SIPA1L3: variants seen among roughly 807,000 people sequenced by gnomAD.
SIPA1L3 encodes the protein signal-induced proliferation-associated 1-like protein 3.
A neutral mutation model predicts 150.1 loss-of-function variants in SIPA1L3; 59 were observed. That is an observed-to-expected ratio of 0.39 (90% CI 0.32 to 0.49). The LOEUF (loss-of-function observed/expected upper bound fraction) is 0.49. Ranked by LOEUF, SIPA1L3 falls within the 20% of genes least tolerant of loss-of-function variation. The pLI is 0.86. For synonymous variants in SIPA1L3, 1,070 were observed against 1,077.6 expected, an observed-to-expected ratio of 0.99 and a Z score of 0.14; for missense variants, 2,211 against 2,489.5, an observed-to-expected ratio of 0.89 and a Z score of 2.38.
intron 6 of SIPA1L3, among the ~76,000 whole-genome samples, chr19:38,104,282 GTTA>G (rs1295289039): frequency 3.9e-5 from 6 of 152,254 alleles, no homozygotes; most frequent in Non-Finnish European, 7.3e-5. Flanking sequence ...GAACGAGCAT[GTTA>G]TTATGCCATT....
chr19:38,048,806 G>A (rs1969118736), intron 2 of SIPA1L3, among the ~76,000 whole-genome samples: 1 of 152,126 alleles, frequency 6.6e-6, no homozygotes, highest in African/African-American at 2.4e-5. Context: ...AAAAAAGGGG[G>A]CAGGCTGGGC....
intron 18 of SIPA1L3, 37 bp from the exon 19 acceptor site, chr19:38,198,352 A>C: frequency 1.4e-6 from 2 of 1,474,856 alleles, no homozygotes; most frequent in Non-Finnish European, 1.8e-6. Context: ...CCGCATTGTC[A>C]CACTCAACCA....
intron 1 of SIPA1L3, among the ~76,000 whole-genome samples, chr19:38,001,184 C>T (rs934582588): frequency 2.0e-5 from 3 of 151,832 alleles, no homozygotes; most frequent in African/African-American, 7.3e-5. Context: ...ATAAAGCTCT[C>T]TGCTTAATGT....
chr19:38,141,586 C>T (rs1002878734), intron 11 of SIPA1L3, 151 bp downstream of exon 11: 1 of 867,302 alleles, frequency 1.2e-6, no homozygotes, highest in Non-Finnish European at 1.7e-6. Flanking sequence ...CTTGTTCCTC[C>T]CTCCCTCCTT....
At chr19:38,187,135 T>A (rs1482329978) in intron 16 of SIPA1L3, among the ~76,000 whole-genome samples, 1 of 148,558 alleles carries the variant, frequency 6.7e-6, no homozygotes, top group African/African-American at 2.5e-5. Flanking sequence ...GGCAACAACA[T>A]AGTGAGGTCC....
intron 2 of SIPA1L3, among the ~76,000 whole-genome samples, chr19:38,062,888 T>C (rs1416219239): frequency 6.6e-6 from 1 of 152,186 alleles, no homozygotes; most frequent in African/African-American, 2.4e-5. Context: ...CCCAAAGTGC[T>C]GGGATTACGG....
intron 1 of SIPA1L3, among the ~76,000 whole-genome samples, chr19:37,992,907 G>A (rs781415092): frequency 1.2e-4 from 19 of 152,180 alleles, no homozygotes; most frequent in Non-Finnish European, 2.2e-4. Context: ...TGGCTCTGTG[G>A]TCAGTTGTGC....
At chr19:38,159,140 C>G (rs1972017632) in intron 13 of SIPA1L3, among the ~76,000 whole-genome samples, 2 of 152,236 alleles carry the variant, frequency 1.3e-5, no homozygotes, top group Admixed American at 6.5e-5. Context: ...AGCCTCCCCA[C>G]TTTCTCGCAT....
chr19:37,937,816 G>A (rs193067000), intron 1 of SIPA1L3, among the ~76,000 whole-genome samples: 3,142 of 147,186 alleles, frequency 0.021, 120 homozygotes, highest in African/African-American at 0.074. Flanking sequence ...GGAGGCTGAG[G>A]TGGGCAGATC....
At chr19:38,023,127 C>G (rs16979221) in intron 1 of SIPA1L3, among the ~76,000 whole-genome samples, 1,562 of 152,280 alleles carry the variant, frequency 0.01, 21 homozygotes, top group Middle Eastern at 0.051. Context: ...CCCACTCTAC[C>G]ACGGAGTTAC....
At chr19:38,141,124 C>A in intron 10 of SIPA1L3, 60 bp from the exon 11 acceptor site, 2 of 1,429,768 alleles carry the variant, frequency 1.4e-6, no homozygotes, top group Non-Finnish European at 1.9e-6. Context: ...CCAGCCTAGA[C>A]AGCAGGCCCA....
intron 2 of SIPA1L3, among the ~76,000 whole-genome samples, chr19:38,039,202 G>A (rs1968855891): frequency 6.6e-6 from 1 of 152,030 alleles, no homozygotes; most frequent in Non-Finnish European, 1.5e-5. Flanking sequence ...GATTATCAAA[G>A]TAATGCTTGT....
Position 38,082,769 on chromosome 19 carries a change from A to C in SIPA1L3, c.1204A>C (p.Thr402Pro). The change falls in exon 3 of 22, where the codon ACA becomes CCA. Residue 402 changes from threonine to proline, a missense_variant. Physicochemically the swap from Thr to Pro is conservative, Grantham distance 38. Coordinates refer to ENST00000222345, the MANE Select transcript of SIPA1L3 (RefSeq NM_015073.3). ...LGGLDPAFTS[T>P]EDLNCKENLE... ...AGGCCTGGACCCGGCCTTCACCAGC[A>C]CAGAGGACCTAAACTGCAAGGAGAA... 2 of 1,613,196 alleles carry C rather than the reference A, an allele frequency of 1.2e-6. No homozygotes were observed. The highest frequency in any genetic ancestry group is 1.7e-6 in the Non-Finnish European group (2 of 1,179,872).
chr19:38,204,303 C>A, intron 21 of SIPA1L3, 95 bp downstream of exon 21: 1 of 902,506 alleles, frequency 1.1e-6, no homozygotes, highest in Non-Finnish European at 1.7e-6. Flanking sequence ...CATGCAGGAC[C>A]CACCCCACCC....
Position 38,137,440 on chromosome 19 carries a change from C to T in SIPA1L3, c.3144-3744C>T, listed in dbSNP as rs540018674. Reference sequence around the variant, plus strand: ...CTGACCTCAGGTGATCCACCCGCCTCGGCCTCCCAAAGTGCTGGGATTACA... The same window carrying T: ...CTGACCTCAGGTGATCCACCCGCCTTGGCCTCCCAAAGTGCTGGGATTACA... On this transcript the variant is annotated intron_variant, in intron 10 of 21. Coordinates refer to ENST00000222345, the MANE Select transcript of SIPA1L3 (RefSeq NM_015073.3). 2.7e-4 allele frequency among the ~76,000 whole-genome samples: 41 copies of T among 151,762 alleles called. No individual in the cohort carries two copies. In the South Asian group the frequency reaches 5.6e-3, roughly 21 times the overall value.
At chr19:38,066,641 T>A (rs932999118) in intron 2 of SIPA1L3, among the ~76,000 whole-genome samples, 2 of 148,158 alleles carry the variant, frequency 1.3e-5, no homozygotes, top group Non-Finnish European at 3.0e-5. Context: ...GCCTGGCCAA[T>A]GTGGTGAAAC....
chr19:38,153,340 G>C (rs1474180893), intron 13 of SIPA1L3, among the ~76,000 whole-genome samples: 1 of 152,176 alleles, frequency 6.6e-6, no homozygotes, highest in African/African-American at 2.4e-5. Context: ...ACCCTCCTGT[G>C]TTGTTTTCAA....
chr19:37,956,526 C>G (rs2046813382), intron 1 of SIPA1L3, among the ~76,000 whole-genome samples: 1 of 139,036 alleles, frequency 7.2e-6, no homozygotes, highest in African/African-American at 2.7e-5. Flanking sequence ...ACTCTTGTCA[C>G]CCAGGTTGGA....
intron 2 of SIPA1L3, among the ~76,000 whole-genome samples, chr19:38,070,222 A>ATCTATCTATCTATCTG: frequency 7.2e-6 from 1 of 139,098 alleles, no homozygotes; most frequent in African/African-American, 2.7e-5. Context: ...CTATCTATCT[A>ATCTATCTATCTATCTG]TTTTTGAGAC....
Sources: allele counts gnomAD v4.1 joint callset (sites outside exome capture counted in the v4.1 genomes callset), GRCh38; gene constraint gnomAD v4.1.1; transcripts MANE v1.5; gene names NCBI Gene and HGNC (gene_info 2026-07-23, HGNC 2026-07-21).